EBF1: variants seen among roughly 807,000 people sequenced by gnomAD.
The protein encoded by EBF1 is EBF transcription factor 1.
A neutral mutation model predicts 68.4 loss-of-function variants in EBF1; 10 were observed. The observed-to-expected ratio is 0.15, with a 90% CI of 0.09 to 0.25. The LOEUF (loss-of-function observed/expected upper bound fraction) is 0.25, where lower values mean the gene tolerates loss of function less well. Ranked by LOEUF, EBF1 falls within the 10% of genes least tolerant of loss-of-function variation. EBF1 has a pLI of 1.00. For synonymous variants in EBF1, 298 were observed against 299.8 expected, an observed-to-expected ratio of 0.99 and a Z score of 0.06; for missense variants, 509 against 794.4, an observed-to-expected ratio of 0.64 and a Z score of 4.32.
intron 6 of EBF1, among the ~76,000 whole-genome samples, chr5:159,006,458 A>G (rs1385630338): frequency 2.0e-5 from 3 of 152,094 alleles, no homozygotes; most frequent in Non-Finnish European, 4.4e-5. Flanking sequence ...TAGGGGGCAT[A>G]TGAGTGGAAC....
At chr5:158,739,395 C>G (rs1229736455) in intron 10 of EBF1, among the ~76,000 whole-genome samples, 1 of 152,222 alleles carries the variant, frequency 6.6e-6, no homozygotes, top group African/African-American at 2.4e-5. Context: ...GTGCTCTGAA[C>G]AGCATGGCCG....
At chr5:158,714,596 C>T (rs149851462) in intron 11 of EBF1, among the ~76,000 whole-genome samples, 224 of 152,180 alleles carry the variant, frequency 1.5e-3, no homozygotes, top group Admixed American at 3.3e-3. Context: ...AGGTCATTTT[C>T]GAGGGATTTC....
chr5:159,068,187 A>G (rs1777166861), intron 6 of EBF1, among the ~76,000 whole-genome samples: 1 of 152,316 alleles, frequency 6.6e-6, no homozygotes, highest in Non-Finnish European at 1.5e-5. Context: ...TAATAAAATT[A>G]TATATTTATG....
At chr5:159,087,710 C>T (rs1176019280) in intron 4 of EBF1, among the ~76,000 whole-genome samples, 3 of 152,090 alleles carry the variant, frequency 2.0e-5, no homozygotes, top group Non-Finnish European at 2.9e-5. Flanking sequence ...TCCTGTGTCA[C>T]TTCTTTGGTG....
At chr5:159,047,371 C>T (rs2127799017) in intron 6 of EBF1, among the ~76,000 whole-genome samples, 1 of 152,236 alleles carries the variant, frequency 6.6e-6, no homozygotes, top group African/African-American at 2.4e-5. Context: ...TTCTCAAAAG[C>T]TTACTTTGGC....
chr5:159,044,884 T>C (rs749990184), intron 6 of EBF1, among the ~76,000 whole-genome samples: 8 of 152,202 alleles, frequency 5.3e-5, no homozygotes, highest in Non-Finnish European at 8.8e-5. Flanking sequence ...CAAGGGAATT[T>C]GTTAATTTCT....
chr5:158,816,240 G>A (rs1018297965), intron 8 of EBF1, among the ~76,000 whole-genome samples: 7 of 152,208 alleles, frequency 4.6e-5, no homozygotes, highest in African/African-American at 1.4e-4. Context: ...TTATTTTACA[G>A]ACATTCTTCT....
In EBF1 at chr5:159,096,363, A is replaced by T. The variant is rs1049692067; in HGVS notation, c.335T>A (p.Leu112His). 17 of 1,613,640 alleles carry T rather than the reference A, an allele frequency of 1.1e-5. No individual in the cohort carries two copies. In the Admixed American group the frequency reaches 2.8e-4, roughly 27 times the overall value. ...CTCACCATTGCTGTAGAGAAGCTGA[A>T]GCCGGTAGTGAATTCCGTTATTGGT... Reference protein sequence around the residue: ...EKTNNGIHYRLQLLYSNGIRT... With the variant: ...EKTNNGIHYRHQLLYSNGIRT... The change falls in exon 3 of 16, where the codon CTT (leucine) becomes CAT (histidine). Residue 112 changes from leucine to histidine, a missense_variant. Leu to His is a moderately conservative substitution (Grantham distance 99). Transcript: ENST00000313708.
chr5:158,968,192 C>T (rs1046861895), intron 6 of EBF1, among the ~76,000 whole-genome samples: 1 of 152,162 alleles, frequency 6.6e-6, no homozygotes, highest in Non-Finnish European at 1.5e-5. Context: ...AGCATAGCGG[C>T]TTCCTAATCA....
At chr5:158,881,912 G>T (rs1417333034) in intron 6 of EBF1, among the ~76,000 whole-genome samples, 2 of 152,116 alleles carry the variant, frequency 1.3e-5, no homozygotes, top group African/African-American at 4.8e-5. Flanking sequence ...AAATGAATCT[G>T]TCCCCCACCT....
intron 6 of EBF1, among the ~76,000 whole-genome samples, chr5:158,997,931 C>G (rs1561748348): frequency 1.3e-5 from 2 of 152,106 alleles, no homozygotes; most frequent in Non-Finnish European, 2.9e-5. Flanking sequence ...TGTTTTATAC[C>G]TTTGCATATG....
chr5:158,918,890 T>C (rs1478768418), intron 6 of EBF1, among the ~76,000 whole-genome samples: 1 of 152,244 alleles, frequency 6.6e-6, no homozygotes, highest in Non-Finnish European at 1.5e-5. Flanking sequence ...CTTGCTTTCT[T>C]GAAATTTAGG....
At chr5:158,963,435 A>G (rs2127540334) in intron 6 of EBF1, among the ~76,000 whole-genome samples, 1 of 152,344 alleles carries the variant, frequency 6.6e-6, no homozygotes, top group Middle Eastern at 3.4e-3. Context: ...ACATGCCACA[A>G]TTCAAGCTTA....
intron 11 of EBF1, among the ~76,000 whole-genome samples, chr5:158,722,070 T>G (rs1278830620): frequency 6.6e-6 from 1 of 152,156 alleles, no homozygotes; most frequent in Non-Finnish European, 1.5e-5. Flanking sequence ...TGGTAACCTC[T>G]GGCGGGATCT....
At chr5:158,847,157 C>T (rs1791689217) in intron 6 of EBF1, among the ~76,000 whole-genome samples, 1 of 152,116 alleles carries the variant, frequency 6.6e-6, no homozygotes, top group Non-Finnish European at 1.5e-5. Context: ...ACATGATCAA[C>T]CTGAAAAGCA....
At chr5:159,095,556 G>T in intron 4 of EBF1, 64 bp downstream of exon 4, 2 of 1,593,226 alleles carry the variant, frequency 1.3e-6, no homozygotes, top group Non-Finnish European at 1.7e-6. Flanking sequence ...GGAGCAACTA[G>T]CTTCTTGACT....
intron 5 of EBF1, among the ~76,000 whole-genome samples, chr5:159,081,555 C>T (rs1267383460): frequency 1.3e-5 from 2 of 152,158 alleles, no homozygotes; most frequent in Non-Finnish European, 2.9e-5. Context: ...GCCAGGGATG[C>T]TTCCCTGAAG....
chr5:158,722,760 G>A (rs1762194837), intron 11 of EBF1, among the ~76,000 whole-genome samples: 1 of 152,052 alleles, frequency 6.6e-6, no homozygotes, highest in Admixed American at 6.5e-5. Context: ...CAAGACTGTT[G>A]GGGCTTGGTA....
intron 6 of EBF1, among the ~76,000 whole-genome samples, chr5:158,973,399 T>G (rs1044601263): frequency 1.3e-5 from 2 of 151,764 alleles, no homozygotes; most frequent in Non-Finnish European, 2.9e-5. Flanking sequence ...TTCACCTACA[T>G]GACTTCCATT....
Sources: allele counts gnomAD v4.1 joint callset (sites outside exome capture counted in the v4.1 genomes callset), GRCh38; gene constraint gnomAD v4.1.1; transcripts MANE v1.5; gene names NCBI Gene and HGNC (gene_info 2026-07-23, HGNC 2026-07-21).